Variants in CLDN16 observed in about 807,000 individuals in gnomAD.
The protein encoded by CLDN16 is claudin 16, also known as claudin-16.
Under a neutral mutation model 24.6 loss-of-function variants are expected in CLDN16, and 13 were observed. That is an observed-to-expected ratio of 0.53 (90% CI 0.34 to 0.84). The LOEUF is 0.84. Ranked by LOEUF, CLDN16 falls within the 40% of genes least tolerant of loss-of-function variation. CLDN16 has a pLI of 0.01. For missense variants in CLDN16, 298 were observed against 292.7 expected, an observed-to-expected ratio of 1.02 and a Z score of -0.13; for synonymous variants, 116 against 106.7, an observed-to-expected ratio of 1.09 and a Z score of -0.54.
intron 1 of CLDN16, among the ~76,000 whole-genome samples, chr3:190,330,163 C>G (rs1194129724): frequency 6.6e-6 from 1 of 152,144 alleles, no homozygotes; most frequent in Non-Finnish European, 1.5e-5. Context: ...TGAGTTCCAA[C>G]TGTATGCTCA....
At chr3:190,333,029 G>T (rs989941158) in intron 1 of CLDN16, among the ~76,000 whole-genome samples, 1 of 152,074 alleles carries the variant, frequency 6.6e-6, no homozygotes, top group Non-Finnish European at 1.5e-5. Context: ...TAGGGAAAAA[G>T]GAGAATATTA....
intron 3 of CLDN16, among the ~76,000 whole-genome samples, chr3:190,381,717 G>T (rs531975513): frequency 6.6e-6 from 1 of 152,150 alleles, no homozygotes; most frequent in African/African-American, 2.4e-5. Context: ...GAACAGATGT[G>T]CTGAGTTAAG....
intron 1 of CLDN16, among the ~76,000 whole-genome samples, chr3:190,355,237 A>T (rs1442122690): frequency 6.6e-6 from 1 of 152,064 alleles, no homozygotes; most frequent in East Asian, 1.9e-4. Context: ...TCGTGGCTAG[A>T]CTAAGAATCA....
intron 1 of CLDN16, among the ~76,000 whole-genome samples, chr3:190,390,195 T>C (rs1272285466): frequency 6.6e-6 from 1 of 152,216 alleles, no homozygotes; most frequent in African/African-American, 2.4e-5. Flanking sequence ...CCTTCTTATT[T>C]CCCATACTTA....
chr3:190,387,486 C>A (rs966128822), upstream of CLDN16, among the ~76,000 whole-genome samples: 1 of 152,024 alleles, frequency 6.6e-6, no homozygotes, highest in Non-Finnish European at 1.5e-5. Context: ...CTATTCTAAG[C>A]GACTTACAGG....
intron 1 of CLDN16, among the ~76,000 whole-genome samples, chr3:190,323,626 A>G (rs1716993805): frequency 6.6e-6 from 1 of 152,172 alleles, no homozygotes; most frequent in Non-Finnish European, 1.5e-5. Flanking sequence ...GCAGAAATAA[A>G]CATATTAAGG....
At chr3:190,296,618 C>T in the CLDN16 span, among the ~76,000 whole-genome samples, 2 of 149,092 alleles carry the variant, frequency 1.3e-5, no homozygotes, top group Non-Finnish European at 3.0e-5. Context: ...GGTGCCATCT[C>T]GGCTCACTGC....
At chr3:190,398,988 A>T (rs1255985664) in intron 1 of CLDN16, among the ~76,000 whole-genome samples, 1 of 152,164 alleles carries the variant, frequency 6.6e-6, no homozygotes, top group Non-Finnish European at 1.5e-5. Context: ...GCTGTTTATC[A>T]TTAGATTTTT....
chr3:190,357,244 T>A (rs1357833742), intron 1 of CLDN16, among the ~76,000 whole-genome samples: 2 of 151,890 alleles, frequency 1.3e-5, no homozygotes, highest in African/African-American at 4.8e-5. Context: ...TAGAAAACTT[T>A]CTAAAACTTG....
chr3:190,388,577 G>A (rs1718570189), intron 1 of CLDN16, 134 bp downstream of exon 1: 1 of 789,560 alleles, frequency 1.3e-6, no homozygotes, highest in Non-Finnish European at 2.3e-6. Flanking sequence ...ACTATTTATT[G>A]AGTCTTTACA....
At chr3:190,389,577 A>G (rs1718597980) in intron 1 of CLDN16, among the ~76,000 whole-genome samples, 1 of 152,228 alleles carries the variant, frequency 6.6e-6, no homozygotes, top group Non-Finnish European at 1.5e-5. Context: ...TTCAAAACCA[A>G]TGGAGTTAGG....
the CLDN16 span, among the ~76,000 whole-genome samples, chr3:190,298,683 G>A: frequency 0.16 from 24,952 of 151,782 alleles, 2,418 homozygotes; most frequent in African/African-American, 0.27. Context: ...GGTGATCCGC[G>A]CGCCTTGGCC....
At chr3:190,374,717 A>G (rs1317899079) in intron 3 of CLDN16, 2 of 151,980 alleles carry the variant, frequency 1.3e-5, no homozygotes, top group Non-Finnish European at 2.9e-5. Flanking sequence ...TTTATTTTCA[A>G]AAAGAACAAC....
intron 1 of CLDN16, among the ~76,000 whole-genome samples, chr3:190,323,628 A>G (rs1440740037): frequency 6.6e-6 from 1 of 152,188 alleles, no homozygotes; most frequent in Non-Finnish European, 1.5e-5. Flanking sequence ...AGAAATAAAC[A>G]TATTAAGGAT....
the CLDN16 span, among the ~76,000 whole-genome samples, chr3:190,295,404 A>G: frequency 6.6e-6 from 1 of 152,206 alleles, no homozygotes; most frequent in South Asian, 2.1e-4. Flanking sequence ...AGAAAGGATT[A>G]ATCCTAACCT....
rs1273743404 is a variant in CLDN16, at chr3:190,351,723, G to A, written n.122-19170G>A. ...TGCTGGGGAGAAATAGAGGTAAACAGATGGAAAACAAAATAACCAAGAAAC... is the reference window on the plus strand; with the variant it reads ...TGCTGGGGAGAAATAGAGGTAAACAAATGGAAAACAAAATAACCAAGAAAC... On this transcript the variant is annotated intron_variant and non_coding_transcript_variant, in intron 1 of 4. Transcript: ENST00000468220. 2.0e-5 allele frequency among the ~76,000 whole-genome samples: 3 copies of A among 152,018 alleles called. No homozygotes were observed. In the East Asian group the frequency reaches 5.8e-4, roughly 29 times the overall value.
chr3:190,387,398 G>T (rs570002327), upstream of CLDN16, among the ~76,000 whole-genome samples: 1 of 151,430 alleles, frequency 6.6e-6, no homozygotes, highest in South Asian at 2.1e-4. Flanking sequence ...TTCAAACATT[G>T]GTCCATGAGG....
chr3:190,309,126 T>G, the CLDN16 span, among the ~76,000 whole-genome samples: 1 of 152,170 alleles, frequency 6.6e-6, no homozygotes, highest in Non-Finnish European at 1.5e-5. Context: ...GATAGCAACT[T>G]CACCTCTCAG....
chr3:190,321,328 C>T (rs1004944251), upstream of CLDN16, among the ~76,000 whole-genome samples: 2 of 152,166 alleles, frequency 1.3e-5, no homozygotes, highest in African/African-American at 4.8e-5. Flanking sequence ...CTACAGAAGA[C>T]CTTGGGTCTG....
Sources: gnomAD v4.1 joint callset for allele counts (sites outside exome capture counted in the v4.1 genomes callset) on GRCh38, gnomAD v4.1.1 for gene constraint, MANE v1.5 for transcripts, NCBI Gene and HGNC (gene_info 2026-07-23, HGNC 2026-07-21) for gene names.